NPL: variants seen among roughly 807,000 people sequenced by gnomAD.
NPL encodes the protein N-acetylneuraminate lyase.
NPL carries 32 observed loss-of-function variants against 41.1 expected under a neutral mutation model. That is an observed-to-expected ratio of 0.78 (90% CI 0.59 to 1.05). The LOEUF is 1.05. Among genes scored for constraint, NPL ranks in the 50% least tolerant of loss-of-function variants. The pLI is 0.00. For missense variants in NPL, 321 were observed against 378.4 expected (o/e 0.85, Z 1.26); for synonymous variants, 128 against 134.9 (o/e 0.95, Z 0.35).
chr1:182,816,851 A>G (rs942825851), intron 8 of NPL, 45 bp downstream of exon 8: 14 of 1,443,566 alleles, frequency 9.7e-6, no homozygotes, highest in Non-Finnish European at 1.4e-5. Flanking sequence ...CAACTCTCAC[A>G]TCTTACCCTA....
chr1:182,794,939 T>C (rs901153363), intron 3 of NPL, among the ~76,000 whole-genome samples: 1 of 152,248 alleles, frequency 6.6e-6, no homozygotes, highest in East Asian at 1.9e-4. Context: ...CAAGATGGAC[T>C]CTTTTTTCCT....
chr1:182,823,677 T>C (rs900382474), intron 11 of NPL, among the ~76,000 whole-genome samples: 1 of 152,250 alleles, frequency 6.6e-6, no homozygotes, highest in African/African-American at 2.4e-5. Flanking sequence ...AATTCTAACC[T>C]GTTCTGAGCA....
intron 3 of NPL, 21 bp from the exon 4 acceptor site, chr1:182,803,677 T>A (rs1224404103): frequency 6.4e-7 from 1 of 1,570,132 alleles, no homozygotes; most frequent in East Asian, 2.2e-5. Context: ...AAATATGCCT[T>A]TTTTTCCACA....
chr1:182,821,997 A>C (rs1434301695), intron 10 of NPL, 118 bp from the exon 11 acceptor site: 1 of 748,866 alleles, frequency 1.3e-6, no homozygotes, highest in Non-Finnish European at 2.4e-6. Flanking sequence ...TAGGATTCAA[A>C]AACAGACTTT....
At chr1:182,799,387 A>T (rs1387361080) in intron 3 of NPL, among the ~76,000 whole-genome samples, 2 of 152,214 alleles carry the variant, frequency 1.3e-5, no homozygotes. Context: ...ACCATCTAAA[A>T]ATGTGGGAAG....
intron 5 of NPL, among the ~76,000 whole-genome samples, chr1:182,807,510 G>A (rs938255837): frequency 4.6e-5 from 7 of 151,870 alleles, no homozygotes; most frequent in Admixed American, 6.6e-5. Context: ...AGTTAATTTC[G>A]TGAGATCTAG....
intron 5 of NPL, among the ~76,000 whole-genome samples, chr1:182,807,845 C>T (rs145939132): frequency 0.013 from 1,888 of 146,824 alleles, 33 homozygotes; most frequent in African/African-American, 0.041. Context: ...GAGCCAAGAT[C>T]GCGCCACTGC....
At position 182,825,980 on chromosome 1, in the gene NPL, CTG is replaced by C; in HGVS notation, c.778+163_778+164del. The C allele has an allele frequency of 4.2e-6, 3 of 717,688 alleles. No homozygotes were observed. The South Asian group carries it at 4.5e-5, about 11-fold the overall frequency. 44.5% of individuals were successfully genotyped at this position (717,688 alleles called of 1,614,324 possible). A position where few individuals can be genotyped will look rare whatever the true frequency, so the allele number is the denominator to read the frequency against. ...AACCCTCGGGGCCAACCATATAAAA[CTG>C]TGAAGTAAACCTAGTTGGAAAATCT... On this transcript the variant is annotated intron_variant, in intron 12 of 12. Transcript: ENST00000367553.
At chr1:182,822,727 A>G (rs1402646267) in intron 11 of NPL, among the ~76,000 whole-genome samples, 1 of 152,220 alleles carries the variant, frequency 6.6e-6, no homozygotes, top group African/African-American at 2.4e-5. Flanking sequence ...GATTTGAGAC[A>G]GGAAGGAAAA....
At chr1:182,803,334 A>G (rs374785857) in intron 3 of NPL, among the ~76,000 whole-genome samples, 6 of 152,238 alleles carry the variant, frequency 3.9e-5, no homozygotes, top group Non-Finnish European at 5.9e-5. Flanking sequence ...GCAACCATCA[A>G]TCTTCCCCTA....
chr1:182,792,047 A>T (rs1209141764), intron 1 of NPL, among the ~76,000 whole-genome samples, 185 bp from the exon 2 acceptor site: 2 of 152,226 alleles, frequency 1.3e-5, no homozygotes, highest in African/African-American at 4.8e-5. Context: ...ATGACTGGGA[A>T]GATGATGCTG....
chr1:182,829,276 A>G lies in NPL; in HGVS notation c.*368A>G, dbSNP rs1169000053. 25 of 1,189,316 alleles carry G rather than the reference A, an allele frequency of 2.1e-5. No individual in the cohort carries two copies. The highest frequency in any genetic ancestry group is 4.3e-5 in the Admixed American group (1 of 23,344). 73.7% of individuals were successfully genotyped at this position (1,189,316 alleles called of 1,614,324 possible). On this transcript the variant is annotated 3_prime_UTR_variant, in exon 13 of 13. Coordinates refer to ENST00000367553, the MANE Select transcript of NPL (RefSeq NM_030769.3). ...TAAAGTTGTCTAATTTTAAACCACT[A>G]TAATATGTCTTCATTTTAATAAATA...
At chr1:182,823,398 C>G (rs1401744531) in intron 11 of NPL, among the ~76,000 whole-genome samples, 1 of 152,170 alleles carries the variant, frequency 6.6e-6, no homozygotes, top group Non-Finnish European at 1.5e-5. Context: ...TTATTCCCTA[C>G]CCGTAGGCCT....
chr1:182,797,563 C>G (rs1005654204), intron 3 of NPL, among the ~76,000 whole-genome samples: 6 of 152,180 alleles, frequency 3.9e-5, no homozygotes, highest in Non-Finnish European at 7.4e-5. Flanking sequence ...TGCCTTCACT[C>G]ATTCTCTTTC....
intron 12 of NPL, chr1:182,826,953 TA>T (rs1667646885): frequency 6.6e-6 from 1 of 152,204 alleles, no homozygotes; most frequent in Non-Finnish European, 1.5e-5. Flanking sequence ...TAGTAAGAGA[TA>T]AACAGTAACT....
intron 6 of NPL, 71 bp from the exon 7 acceptor site, chr1:182,814,712 C>G (rs1667273045): frequency 8.0e-7 from 1 of 1,243,874 alleles, no homozygotes; most frequent in African/African-American, 1.5e-5. Flanking sequence ...TGTTACTGAT[C>G]TTAGTATCTA....
intron 3 of NPL, among the ~76,000 whole-genome samples, chr1:182,797,338 A>ATGGGAACTT (rs1231732170): frequency 6.6e-6 from 1 of 152,108 alleles, no homozygotes; most frequent in Non-Finnish European, 1.5e-5. Context: ...CTCCACCACC[A>ATGGGAACTT]TGGGAACTTG....
chr1:182,806,666 C>A, intron 5 of NPL: 2 of 989,786 alleles, frequency 2.0e-6, no homozygotes, highest in Non-Finnish European at 2.9e-6. Context: ...TCTGTGCATC[C>A]AACTCAATGT....
intron 3 of NPL, among the ~76,000 whole-genome samples, chr1:182,801,189 A>G (rs1221363661): frequency 6.6e-6 from 1 of 152,182 alleles, no homozygotes; most frequent in Non-Finnish European, 1.5e-5. Flanking sequence ...GTCCAAGAAC[A>G]TTTTCTGGAT....
Sources: gnomAD v4.1 joint callset for allele counts (sites outside exome capture counted in the v4.1 genomes callset) on GRCh38, gnomAD v4.1.1 for gene constraint, MANE v1.5 for transcripts, NCBI Gene and HGNC (gene_info 2026-07-23, HGNC 2026-07-21) for gene names.